Variants in PARVA observed in about 807,000 individuals in gnomAD.
PARVA encodes the protein parvin alpha.
PARVA carries 25 observed loss-of-function variants against 52.6 expected under a neutral mutation model. The observed-to-expected ratio is 0.48, with a 90% CI of 0.35 to 0.66. The LOEUF (loss-of-function observed/expected upper bound fraction) is 0.66, where lower values mean the gene tolerates loss of function less well. Ranked by LOEUF, PARVA falls within the 30% of genes least tolerant of loss-of-function variation. The pLI is 0.01. For synonymous variants in PARVA, 185 were observed against 179.1 expected, an observed-to-expected ratio of 1.03 and a Z score of -0.26; for missense variants, 373 against 450.9, an observed-to-expected ratio of 0.83 and a Z score of 1.56.
At chr11:12,446,858 G>A (rs1940554664) in intron 1 of PARVA, among the ~76,000 whole-genome samples, 1 of 152,154 alleles carries the variant, frequency 6.6e-6, no homozygotes, top group Non-Finnish European at 1.5e-5. Context: ...ATGTAGCCAG[G>A]TTTTCCATAA....
intron 1 of PARVA, among the ~76,000 whole-genome samples, chr11:12,403,931 C>G (rs1408396585): frequency 6.6e-6 from 1 of 152,184 alleles, no homozygotes; most frequent in Non-Finnish European, 1.5e-5. Flanking sequence ...AATGCACTAT[C>G]TTCTTTGACA....
At chr11:12,513,208 C>G (rs1941524412) in intron 8 of PARVA, 91 bp from the exon 9 acceptor site, 1 of 1,024,716 alleles carries the variant, frequency 9.8e-7, no homozygotes, top group African/African-American at 1.6e-5. Flanking sequence ...GACCTTGTGA[C>G]CTTGAGAGGC....
chr11:12,390,767 C>T (rs1309403817), intron 1 of PARVA, among the ~76,000 whole-genome samples: 2 of 152,224 alleles, frequency 1.3e-5, no homozygotes, highest in East Asian at 1.9e-4. Flanking sequence ...CCCTGGCTCT[C>T]AGCCCTGGTG....
At chr11:12,524,546 T>G (rs1484568720) in intron 12 of PARVA, among the ~76,000 whole-genome samples, 1 of 152,236 alleles carries the variant, frequency 6.6e-6, no homozygotes, top group Non-Finnish European at 1.5e-5. Flanking sequence ...CGACCCGTGC[T>G]CATGCCTCCA....
chr11:12,455,377 G>A (rs1363011820), intron 1 of PARVA, among the ~76,000 whole-genome samples: 2 of 152,182 alleles, frequency 1.3e-5, no homozygotes, highest in African/African-American at 4.8e-5. Flanking sequence ...TTATTTACCA[G>A]TTTTCAAAAT....
chr11:12,443,521 C>T (rs1940499947), intron 1 of PARVA, among the ~76,000 whole-genome samples: 1 of 152,168 alleles, frequency 6.6e-6, no homozygotes, highest in African/African-American at 2.4e-5. Flanking sequence ...TCTTGGGTGA[C>T]CTGTTTCCCC....
At chr11:12,517,396 G>C (rs1304034087) in intron 10 of PARVA, among the ~76,000 whole-genome samples, 3 of 146,644 alleles carry the variant, frequency 2.0e-5, no homozygotes, top group African/African-American at 7.6e-5. Flanking sequence ...TGCTGGGTCA[G>C]CTGAGATCAG....
chr11:12,477,983 T>TA, intron 4 of PARVA, 34 bp downstream of exon 4: 1 of 1,164,106 alleles, frequency 8.6e-7, no homozygotes, highest in Non-Finnish European at 1.3e-6. Context: ...GGATGTGTGT[T>TA]TAATTGCAGG....
intron 1 of PARVA, among the ~76,000 whole-genome samples, chr11:12,409,595 A>G (rs1939964543): frequency 1.3e-5 from 2 of 152,204 alleles, no homozygotes; most frequent in African/African-American, 4.8e-5. Flanking sequence ...AAGATGTGAC[A>G]TCACTGGCTT....
upstream of PARVA, chr11:12,376,792 T>G (rs1939395620): frequency 1.2e-6 from 1 of 836,684 alleles, no homozygotes; most frequent in African/African-American, 1.8e-5. Context: ...TCAAACACTG[T>G]GCTTTGTATG....
chr11:12,430,887 A>G (rs1940307005), intron 1 of PARVA, among the ~76,000 whole-genome samples: 2 of 152,326 alleles, frequency 1.3e-5, no homozygotes, highest in South Asian at 4.1e-4. Flanking sequence ...CAACCATGCC[A>G]CAACAACAAA....
At chr11:12,489,267 A>G (rs1241181276) in intron 4 of PARVA, among the ~76,000 whole-genome samples, 1 of 152,176 alleles carries the variant, frequency 6.6e-6, no homozygotes, top group Non-Finnish European at 1.5e-5. Context: ...AAATGATAAA[A>G]GAACAAGAAA....
rs1374122939 is a variant in PARVA at position 12,513,368 on chromosome 11, A to G, written c.798+8A>G. 1 of 1,613,060 alleles carries G rather than the reference A, an allele frequency of 6.2e-7. No homozygotes were observed. The highest frequency in any genetic ancestry group is 8.5e-7 in the Non-Finnish European group (1 of 1,178,978). ...CTGAATGTGGTGAAAAAGGTGGGAA[A>G]GGGGTGCCTGGGATGGACAGAGGGA... On this transcript the variant is annotated splice_region_variant and intron_variant, in intron 9 of 12. Transcript: ENST00000334956.
chr11:12,380,177 C>CCAA (rs374238471), intron 1 of PARVA, among the ~76,000 whole-genome samples: 124 of 151,504 alleles, frequency 8.2e-4, no homozygotes, highest in African/African-American at 1.8e-3. Context: ...AGACAGGGTC[C>CCAA]CTGCAGGAAA....
intron 1 of PARVA, among the ~76,000 whole-genome samples, chr11:12,379,744 G>A (rs957340301): frequency 2.0e-5 from 3 of 152,188 alleles, no homozygotes; most frequent in South Asian, 2.1e-4. Context: ...AGATTGAAAC[G>A]AGAAGCAGCA....
intron 1 of PARVA, among the ~76,000 whole-genome samples, chr11:12,380,104 C>A (rs1057359740): frequency 6.6e-6 from 1 of 152,172 alleles, no homozygotes; most frequent in Non-Finnish European, 1.5e-5. Flanking sequence ...CCACCAGGCC[C>A]AACATCCTCT....
chr11:12,497,347 G>C (rs1299191218), intron 5 of PARVA, among the ~76,000 whole-genome samples: 2 of 152,252 alleles, frequency 1.3e-5, no homozygotes, highest in East Asian at 3.9e-4. Context: ...GATTAGATTA[G>C]ACTGTGTTTT....
At chr11:12,378,041 C>T (rs1267687212) in intron 1 of PARVA, among the ~76,000 whole-genome samples, 1 of 149,792 alleles carries the variant, frequency 6.7e-6, no homozygotes, top group Non-Finnish European at 1.5e-5. Context: ...GGGCCGGGGA[C>T]CAGGCCAACG....
At chr11:12,392,458 G>A (rs1291097083) in intron 1 of PARVA, among the ~76,000 whole-genome samples, 8 of 151,834 alleles carry the variant, frequency 5.3e-5, no homozygotes, top group Admixed American at 4.6e-4. Context: ...TAGTAGAGAC[G>A]GGGTTTCACC....
Sources: allele counts gnomAD v4.1 joint callset (sites outside exome capture counted in the v4.1 genomes callset), GRCh38; gene constraint gnomAD v4.1.1; transcripts MANE v1.5; gene names NCBI Gene and HGNC (gene_info 2026-07-23, HGNC 2026-07-21).